Variants in PBRM1 observed in about 807,000 individuals in gnomAD.
PBRM1 encodes the protein protein polybromo-1.
A neutral mutation model predicts 194.5 loss-of-function variants in PBRM1; 27 were observed. The ratio of observed to expected loss-of-function variants is 0.14; its 90% CI spans 0.10 to 0.19. PBRM1 has a LOEUF of 0.19. Among genes scored for constraint, PBRM1 ranks in the 10% least tolerant of loss-of-function variants. The probability of loss-of-function intolerance (pLI) is 1.00; values close to 1 mark genes in which losing one functional copy is unlikely to be tolerated. For synonymous variants in PBRM1, 655 were observed against 693.2 expected, an observed-to-expected ratio of 0.94 and a Z score of 0.87; for missense variants, 1,466 against 2,077.2, an observed-to-expected ratio of 0.71 and a Z score of 5.72.
intron 17 of PBRM1, among the ~76,000 whole-genome samples, chr3:52,602,017 A>C (rs560065156): frequency 1.3e-5 from 2 of 152,296 alleles, no homozygotes; most frequent in East Asian, 3.9e-4. Flanking sequence ...AGGTATCACT[A>C]ATTGTCAATT....
rs538250901 is a variant in PBRM1, at chr3:52,550,870, A to C, written c.4610-53T>G. On this transcript the variant is annotated intron_variant, in intron 27 of 29. Transcript: ENST00000296302. ...TAGAGGCTCTGGGTTGAAATGACTG[A>C]AAAACTACTGTCTGATAAGAAATGA... 3.3e-5 allele frequency: 37 copies of C among 1,134,716 alleles called. No homozygotes were observed. The Admixed American group carries it at 6.4e-4, about 20-fold the overall frequency. 70.3% of individuals were successfully genotyped at this position (1,134,716 alleles called of 1,614,324 possible).
At chr3:52,626,586 G>T (rs1280617491) in intron 13 of PBRM1, among the ~76,000 whole-genome samples, 2 of 152,168 alleles carry the variant, frequency 1.3e-5, no homozygotes, top group African/African-American at 4.8e-5. Flanking sequence ...GTTCCACAAT[G>T]ATCAGGCGAG....
chr3:52,620,192 C>T (rs962172055), intron 13 of PBRM1, among the ~76,000 whole-genome samples: 6 of 152,202 alleles, frequency 3.9e-5, no homozygotes, highest in African/African-American at 1.4e-4. Flanking sequence ...TACCACAGAG[C>T]TCCACATCTG....
At chr3:52,659,188 C>G (rs550283112) in intron 4 of PBRM1, among the ~76,000 whole-genome samples, 1 of 152,278 alleles carries the variant, frequency 6.6e-6, no homozygotes, top group East Asian at 1.9e-4. Context: ...GTCACTGTTT[C>G]AACATAGGAA....
At chr3:52,559,364 G>A (rs2082915083) in intron 25 of PBRM1, among the ~76,000 whole-genome samples, 1 of 152,130 alleles carries the variant, frequency 6.6e-6, no homozygotes, top group African/African-American at 2.4e-5. Flanking sequence ...TTGTGAGCTA[G>A]CAGACTGAAC....
At chr3:52,584,138 CAA>C (rs2091942152) in intron 20 of PBRM1, among the ~76,000 whole-genome samples, 1 of 152,046 alleles carries the variant, frequency 6.6e-6, no homozygotes, top group Non-Finnish European at 1.5e-5. Context: ...ATAATTTTGT[CAA>C]GTTTCAAAAA....
chr3:52,672,685 G>C (rs2096977301), intron 2 of PBRM1, among the ~76,000 whole-genome samples: 1 of 151,878 alleles, frequency 6.6e-6, no homozygotes, highest in Non-Finnish European at 1.5e-5. Flanking sequence ...GTAGAGATGG[G>C]CTTTCTCCAT....
chr3:52,638,382 G>A (rs1212015335), intron 10 of PBRM1, among the ~76,000 whole-genome samples: 4 of 147,306 alleles, frequency 2.7e-5, no homozygotes, highest in Non-Finnish European at 4.5e-5. Context: ...TTTTTGAGAC[G>A]GAGTCTCGCT....
chr3:52,599,511 T>A (rs28403209), intron 17 of PBRM1, among the ~76,000 whole-genome samples: 4 of 151,946 alleles, frequency 2.6e-5, no homozygotes, highest in African/African-American at 4.8e-5. Flanking sequence ...AATCAAATTT[T>A]AAAAAAATTT....
At chr3:52,671,467 T>A (rs2096948261) in intron 2 of PBRM1, among the ~76,000 whole-genome samples, 1 of 152,236 alleles carries the variant, frequency 6.6e-6, no homozygotes, top group Admixed American at 6.5e-5. Context: ...TTCAGTGTGA[T>A]GCTGCTACTC....
chr3:52,657,566 T>TC (rs2096631401), intron 5 of PBRM1, among the ~76,000 whole-genome samples: 1 of 150,594 alleles, frequency 6.6e-6, no homozygotes, highest in South Asian at 2.1e-4. Flanking sequence ...ACCTCCCAGG[T>TC]TCAAGCAATT....
chr3:52,671,295 T>C (rs887630324), intron 2 of PBRM1, among the ~76,000 whole-genome samples: 1 of 152,094 alleles, frequency 6.6e-6, no homozygotes, highest in Non-Finnish European at 1.5e-5. Context: ...AAACATACAT[T>C]CCACAGAGGA....
intron 3 of PBRM1, among the ~76,000 whole-genome samples, chr3:52,667,746 C>CAA (rs34993730): frequency 0.021 from 1,814 of 85,472 alleles, 18 homozygotes; most frequent in South Asian, 0.046. Flanking sequence ...GACTTTGCCT[C>CAA]AAAAAAAAAA....
Position 52,662,293 on chromosome 3 carries a change from AG to A in PBRM1, c.385-18del. On this transcript the variant is annotated intron_variant, in intron 3 of 29. Coordinates refer to ENST00000296302, the Ensembl canonical transcript of PBRM1. ...AGAATCTGGCTGTATGTTAGCAAAG[AG>A]AAAAAAAAAAACACTTTAGTAATGT... The A allele has an allele frequency of 6.3e-7, 1 of 1,576,948 alleles. No individual in the cohort carries two copies.
intron 2 of PBRM1, among the ~76,000 whole-genome samples, chr3:52,675,696 G>A (rs1420606480): frequency 6.6e-6 from 1 of 152,160 alleles, no homozygotes; most frequent in Admixed American, 6.6e-5. Context: ...GAATAGAATG[G>A]AGCCTAGAAA....
At chr3:52,626,598 G>T (rs571368892) in intron 13 of PBRM1, among the ~76,000 whole-genome samples, 1 of 152,202 alleles carries the variant, frequency 6.6e-6, no homozygotes, top group Admixed American at 6.5e-5. Flanking sequence ...TCAGGCGAGA[G>T]AAACTTTGTG....
At chr3:52,647,457 A>AAAATAT (rs1560745545) in intron 7 of PBRM1, among the ~76,000 whole-genome samples, 12 of 47,874 alleles carry the variant, frequency 2.5e-4, no homozygotes, top group Admixed American at 3.9e-4. Flanking sequence ...AAAAAAAAAA[A>AAAATAT]ATATATATAT....
rs1281433889 is a variant in PBRM1 at position 52,635,051 on chromosome 3, G to C, written c.1088-236C>G. 2.6e-5 allele frequency among the ~76,000 whole-genome samples: 4 copies of C among 152,030 alleles called. No individual in the cohort carries two copies. In the South Asian group the frequency reaches 8.3e-4, roughly 31 times the overall value. On this transcript the variant is annotated intron_variant, in intron 10 of 29. Coordinates refer to ENST00000296302, the Ensembl canonical transcript of PBRM1. ...AGCAGTTCTCCCAGATCAGTCTCCC[G>C]AGTAGCTAAGAAGACAGGTGCACAC...
At chr3:52,657,218 T>C (rs886674181) in intron 5 of PBRM1, among the ~76,000 whole-genome samples, 6 of 152,166 alleles carry the variant, frequency 3.9e-5, no homozygotes, top group African/African-American at 1.2e-4. Context: ...CAGATAGTGG[T>C]GATGGTTGCA....
Sources: allele counts gnomAD v4.1 joint callset (sites outside exome capture counted in the v4.1 genomes callset), GRCh38; gene constraint gnomAD v4.1.1; transcripts MANE v1.5; gene names NCBI Gene and HGNC (gene_info 2026-07-23, HGNC 2026-07-21).